Variants in ACOT11 observed in about 807,000 individuals in gnomAD.
ACOT11 encodes the protein acyl-coenzyme A thioesterase 11.
ACOT11 carries 69 observed loss-of-function variants against 77.5 expected under a neutral mutation model. That is an observed-to-expected ratio of 0.89 (90% CI 0.73 to 1.09). The LOEUF (loss-of-function observed/expected upper bound fraction) is 1.09, where lower values mean the gene tolerates loss of function less well. Among genes scored for constraint, ACOT11 ranks in the 50% least tolerant of loss-of-function variants. The pLI is 0.00. For missense variants in ACOT11, 766 were observed against 813.7 expected (o/e 0.94, Z 0.71); for synonymous variants, 279 against 313.0 (o/e 0.89, Z 1.15).
In ACOT11 at chr1:54,609,347, G is replaced by A; in HGVS notation, c.*235G>A. The A allele has an allele frequency of 6.2e-7, 1 of 1,614,160 alleles. No homozygotes were observed. The highest frequency in any genetic ancestry group is 8.5e-7 in the Non-Finnish European group (1 of 1,180,016). On this transcript the variant is annotated 3_prime_UTR_variant, in exon 16 of 16. Transcript: ENST00000343744. Reference sequence around the variant, plus strand: ...GTAGTAGACTCGGGTCCTGTCCACAGCCCTAGCTGCCAGCAATGCTGTCCT... The same window carrying A: ...GTAGTAGACTCGGGTCCTGTCCACAACCCTAGCTGCCAGCAATGCTGTCCT...
intron 13 of ACOT11, 115 bp downstream of exon 13, chr1:54,605,324 G>T: frequency 6.9e-7 from 1 of 1,447,656 alleles, no homozygotes; most frequent in Non-Finnish European, 9.1e-7. Flanking sequence ...GGCTGGGGGT[G>T]GGTTGGAGTT....
intron 15 of ACOT11, among the ~76,000 whole-genome samples, chr1:54,627,679 A>C (rs2101031680): frequency 7.4e-6 from 1 of 134,790 alleles, no homozygotes; most frequent in African/African-American, 2.5e-5. Context: ...TCAGACATGG[A>C]AAGTGGCAGT....
chr1:54,597,535 C>T (rs774739569), intron 7 of ACOT11, 120 bp downstream of exon 7: 160 of 1,265,020 alleles, frequency 1.3e-4, no homozygotes, highest in Non-Finnish European at 1.6e-4. Flanking sequence ...AGAAGCTTGG[C>T]TGTTCTGAAT....
intron 1 of ACOT11, among the ~76,000 whole-genome samples, chr1:54,565,547 T>C (rs1230900864): frequency 6.6e-6 from 1 of 152,184 alleles, no homozygotes; most frequent in Non-Finnish European, 1.5e-5. Flanking sequence ...CCTTTCCTTG[T>C]TCCCTGTCCA....
At position 54,592,163 on chromosome 1, in the gene ACOT11, G is replaced by A. The variant is rs1005751191; in HGVS notation, c.312-383G>A. On this transcript the variant is annotated intron_variant, in intron 3 of 15. Transcript: ENST00000343744. ...GAGGTCACTCTGCCAGGAGAGTGCC[G>A]CAGGGTGAGCCTCTGCAGGGCCTCT... Among the ~76,000 whole-genome samples, 6 of 152,278 alleles carry A rather than the reference G, an allele frequency of 3.9e-5. No individual in the cohort carries two copies. The East Asian group carries it at 5.8e-4, about 15-fold the overall frequency.
intron 5 of ACOT11, among the ~76,000 whole-genome samples, chr1:54,594,318 C>T (rs1008445227): frequency 2.0e-5 from 3 of 152,218 alleles, no homozygotes; most frequent in African/African-American, 7.2e-5. Context: ...AGTGACACCC[C>T]CCATCCTCTG....
chr1:54,588,087 C>A (rs949015819), intron 3 of ACOT11, among the ~76,000 whole-genome samples: 3 of 151,844 alleles, frequency 2.0e-5, no homozygotes, highest in Non-Finnish European at 4.4e-5. Context: ...GCCTGTGGTC[C>A]CAGCTACTTG....
chr1:54,548,516 G>T, intron 1 of ACOT11, 174 bp downstream of exon 1: 2 of 850,734 alleles, frequency 2.4e-6, no homozygotes. Context: ...TTTATTATCA[G>T]CAGCAATCTC....
At chr1:54,565,728 C>T (rs768699395) in intron 1 of ACOT11, among the ~76,000 whole-genome samples, 47 of 152,146 alleles carry the variant, frequency 3.1e-4, no homozygotes, top group Non-Finnish European at 5.4e-4. Context: ...TCTTAGCCCC[C>T]GTCCTGTAGA....
chr1:54,610,826 G>C, downstream of ACOT11: 2 of 985,404 alleles, frequency 2.0e-6, no homozygotes, highest in Non-Finnish European at 2.4e-6. Context: ...CGCTTAGGTG[G>C]CTCCCATGGC....
At position 54,627,580 on chromosome 1, in the gene ACOT11, C is replaced by G. The variant is rs574354114; in HGVS notation, c.1630-3154C>G. ...GAAGAAAGCAGGGGCTGTCAGGGGG[C>G]TCCAGCATTTCAGATGTGAAACAGC... On this transcript the variant is annotated intron_variant, in intron 15 of 16. Coordinates refer to the ACOT11 transcript ENST00000371316. Among the ~76,000 whole-genome samples the G allele has an allele frequency of 2.9e-5, 4 of 135,666 alleles. 2 individuals carry two copies. In the Admixed American group the frequency reaches 3.0e-4, roughly 10 times the overall value. 89.0% of individuals were successfully genotyped at this position (135,666 alleles called of 152,430 possible).
chr1:54,601,498 A>G, intron 9 of ACOT11, 85 bp downstream of exon 9: 1 of 1,550,964 alleles, frequency 6.4e-7, no homozygotes, highest in Non-Finnish European at 8.7e-7. Flanking sequence ...CCAGCCCCCT[A>G]CAGACCTAGA....
At chr1:54,586,622 C>T (rs371789768) in intron 3 of ACOT11, among the ~76,000 whole-genome samples, 4 of 152,058 alleles carry the variant, frequency 2.6e-5, no homozygotes, top group East Asian at 3.9e-4. Flanking sequence ...TTAGTAGAGA[C>T]GGGGTTTCGC....
intron 16 of ACOT11, among the ~76,000 whole-genome samples, chr1:54,631,336 T>G (rs190842696): frequency 3.0e-3 from 462 of 152,340 alleles, no homozygotes; most frequent in Non-Finnish European, 5.5e-3. Flanking sequence ...GCCTTTTCCT[T>G]TTAAATTACT....
chr1:54,591,149 C>T (rs1654699525), intron 3 of ACOT11, among the ~76,000 whole-genome samples: 1 of 152,152 alleles, frequency 6.6e-6, no homozygotes, highest in Non-Finnish European at 1.5e-5. Flanking sequence ...AAAAATGACC[C>T]TCCCCTCCGT....
chr1:54,553,502 T>C (rs1235314281), intron 1 of ACOT11, among the ~76,000 whole-genome samples: 1 of 151,894 alleles, frequency 6.6e-6, no homozygotes, highest in Non-Finnish European at 1.5e-5. Context: ...GGACAGGTAA[T>C]ATTCTATGTT....
intron 1 of ACOT11, chr1:54,548,673 G>A (rs1291436606): frequency 2.5e-6 from 1 of 399,818 alleles, no homozygotes; most frequent in African/African-American, 2.1e-5. Context: ...GGGGATGTCT[G>A]AGCTCCATGG....
chr1:54,561,090 TA>T lies in ACOT11; in HGVS notation c.33+12749del, dbSNP rs1557646523. On this transcript the variant is annotated intron_variant, in intron 1 of 15. Transcript: ENST00000343744. The stretch of plus-strand genomic sequence containing the variant: ...TGCTTGGCTGATTTTTTATTTTTTT[TA>T]TTTTTTTTTATTTTTTAAATTTATT... 2.6e-3 allele frequency among the ~76,000 whole-genome samples: 335 copies of T among 128,948 alleles called. 3 individuals carry two copies. Among genetic ancestry groups the T allele is most frequent in the African/African-American group, 0.011 (323 of 30,240 alleles). The allele number at this position is 128,948 out of a possible 152,430, so 84.6% of individuals were successfully genotyped here. A position where few individuals can be genotyped will look rare whatever the true frequency, so the allele number is the denominator to read the frequency against.
chr1:54,578,162 T>A (rs1654179587), intron 1 of ACOT11, among the ~76,000 whole-genome samples: 1 of 151,696 alleles, frequency 6.6e-6, no homozygotes, highest in South Asian at 2.1e-4. Context: ...GATGCCAAAG[T>A]GACAAGGGGA....
Sources: gnomAD v4.1 joint callset for allele counts (sites outside exome capture counted in the v4.1 genomes callset) on GRCh38, gnomAD v4.1.1 for gene constraint, MANE v1.5 for transcripts, NCBI Gene and HGNC (gene_info 2026-07-23, HGNC 2026-07-21) for gene names.